The following SLC25A15 variants were observed in gnomAD, a reference collection of about 807,000 sequenced individuals.
SLC25A15 encodes solute carrier family 25 member 15.
SLC25A15 carries 24 observed loss-of-function variants against 32.3 expected under a neutral mutation model. That is an observed-to-expected ratio of 0.74 (90% CI 0.54 to 1.04). The LOEUF is 1.04. SLC25A15 is among the 50% of genes least tolerant of loss of function. The pLI is 0.00. For synonymous variants in SLC25A15, 132 were observed against 142.1 expected, an observed-to-expected ratio of 0.93 and a Z score of 0.51; for missense variants, 317 against 374.5, an observed-to-expected ratio of 0.85 and a Z score of 1.27.
chr13:40,791,087 T>C (rs1881472848), intron 1 of SLC25A15, among the ~76,000 whole-genome samples: 1 of 151,900 alleles, frequency 6.6e-6, no homozygotes, highest in Admixed American at 6.6e-5. Context: ...CCCCCGTTTT[T>C]TTCTTTCCCA....
chr13:40,799,357 C>A (rs772068337), intron 3 of SLC25A15, 42 bp downstream of exon 3: 56 of 1,612,770 alleles, frequency 3.5e-5, no homozygotes, highest in African/African-American at 9.4e-5. Flanking sequence ...TTTAAAAAAA[C>A]CCCACAAAAC....
Position 40,799,137 on chromosome 13 carries a change from G to A in SLC25A15, c.136G>A (p.Gly46Ser). 1 of 1,614,142 alleles carries A rather than the reference G, an allele frequency of 6.2e-7. No homozygotes were observed. The highest frequency in any genetic ancestry group is 8.5e-7 in the Non-Finnish European group (1 of 1,180,018). Residue 46 changes from glycine (G) to serine (S), a missense_variant, in exon 3 of 7, where the codon GGC (glycine) becomes AGC (serine). Gly to Ser is a moderately conservative substitution (Grantham distance 56, BLOSUM62 0). Coordinates refer to ENST00000338625, the MANE Select transcript of SLC25A15 (RefSeq NM_014252.4). ...KMQTFPDLYR[G>S]LTDCCLKTYS... ...GCAGACGTTCCCTGACCTGTACCGG[G>A]GCCTCACCGACTGCTGCCTGAAGAC...
chr13:40,794,990 G>A (rs752138023), intron 2 of SLC25A15, among the ~76,000 whole-genome samples: 1 of 152,204 alleles, frequency 6.6e-6, no homozygotes, highest in Admixed American at 6.5e-5. Context: ...CACTGGGCAA[G>A]GGCACTTCTC....
intron 3 of SLC25A15, among the ~76,000 whole-genome samples, chr13:40,802,553 C>T (rs1163243527): frequency 1.3e-5 from 2 of 151,860 alleles, no homozygotes; most frequent in African/African-American, 4.8e-5. Flanking sequence ...CTTGAGTACC[C>T]CTGAATATGG....
At chr13:40,791,903 C>T (rs1399425586) in intron 1 of SLC25A15, among the ~76,000 whole-genome samples, 1 of 152,168 alleles carries the variant, frequency 6.6e-6, no homozygotes, top group African/African-American at 2.4e-5. Context: ...TTCTCCACGG[C>T]CAATGTTTCC....
chr13:40,797,926 G>A (rs558149619), intron 2 of SLC25A15, among the ~76,000 whole-genome samples: 1 of 152,290 alleles, frequency 6.6e-6, no homozygotes, highest in Admixed American at 6.5e-5. Flanking sequence ...CCCTACTACA[G>A]GGTGTGGGGA....
chr13:40,798,804 T>C (rs1881761230), intron 2 of SLC25A15: 1 of 984,112 alleles, frequency 1.0e-6, no homozygotes, highest in Non-Finnish European at 1.2e-6. Flanking sequence ...CACTGCACTG[T>C]TTGCCGCTGT....
At position 40,805,191 on chromosome 13, in the gene SLC25A15, G is replaced by A. The variant is rs553432772; in HGVS notation, c.388G>A (p.Val130Met). 312 of 1,614,192 alleles carry A rather than the reference G, an allele frequency of 1.9e-4. No individual in the cohort carries two copies. In the South Asian group the frequency reaches 2.9e-3, roughly 15 times the overall value. The change falls in exon 4 of 7, where the codon GTG becomes ATG. Residue 130 changes from valine to methionine, a missense_variant. Val to Met is a conservative substitution (Grantham distance 21). Transcript: ENST00000338625. ...AALVLCPTEL[V>M]KCRLQTMYEM... Reference sequence around the variant, plus strand: ...ACTGGTGCTCTGCCCCACGGAGCTCGTGAAGTGCCGGCTGCAGACCATGTA... The same window carrying A: ...ACTGGTGCTCTGCCCCACGGAGCTCATGAAGTGCCGGCTGCAGACCATGTA...
In SLC25A15 at chr13:40,798,060, A is replaced by T. The variant is rs183039437; in HGVS notation, c.56-997A>T. Among the ~76,000 whole-genome samples the T allele has an allele frequency of 2.1e-3, 322 of 152,252 alleles. 1 individual carries two copies. Among genetic ancestry groups the T allele is most frequent in the Non-Finnish European group, 3.6e-3 (244 of 67,998 alleles). ...TTTGGGAGGCCAAGGCAGGAGGATCATTTGAGGCCAGGAGTTAGAGACCAC... is the reference window on the plus strand; with the variant it reads ...TTTGGGAGGCCAAGGCAGGAGGATCTTTTGAGGCCAGGAGTTAGAGACCAC... On this transcript the variant is annotated intron_variant, in intron 2 of 6. Transcript: ENST00000338625.
Position 40,811,014 on chromosome 13 carries a change from G to GGTTGTACTCC in SLC25A15, c.*1347_*1348insGTTGTACTCC, listed in dbSNP as rs1193368768. Reference sequence around the variant, plus strand: ...TGACAGTGGGTGAACCTCTCTCAGAGAGAACTAGAAAGAACTCAGTGCTTG... The same window carrying GGTTGTACTCC: ...TGACAGTGGGTGAACCTCTCTCAGAGGTTGTACTCCAGAACTAGAAAGAACTCAGTGCTTG... On this transcript the variant is annotated 3_prime_UTR_variant, in exon 7 of 7. Transcript: ENST00000338625. 6.6e-6 allele frequency among the ~76,000 whole-genome samples: 1 copy of GGTTGTACTCC among 152,214 alleles called. No individual in the cohort carries two copies. Among genetic ancestry groups the GGTTGTACTCC allele is most frequent in the Non-Finnish European group, 1.5e-5 (1 of 68,048 alleles).
At position 40,811,206 on chromosome 13, in the gene SLC25A15, G is replaced by C. The variant is rs1258895317; in HGVS notation, c.*1539G>C. ...GCAATGGAACATAAGAAAAGCAATT[G>C]TAGGCCAGGCGCAGTGGCTCACGCC... On this transcript the variant is annotated 3_prime_UTR_variant, in exon 7 of 7. Transcript: ENST00000338625. Among the ~76,000 whole-genome samples the C allele has an allele frequency of 6.6e-6, 1 of 152,098 alleles. No homozygotes were observed. The highest frequency in any genetic ancestry group is 2.4e-5 in the African/African-American group (1 of 41,432).
rs934739633 is a variant in SLC25A15 at position 40,810,661 on chromosome 13, C to T, written c.*994C>T. 17 of 480,236 alleles carry T rather than the reference C, an allele frequency of 3.5e-5. 1 individual carries two copies. Among genetic ancestry groups the T allele is most frequent in the Admixed American group, 1.2e-4 (5 of 42,678 alleles). The allele number at this position is 480,236 out of a possible 1,614,324, so 29.7% of individuals were successfully genotyped here. A position where few individuals can be genotyped will look rare whatever the true frequency, so the allele number is the denominator to read the frequency against. On this transcript the variant is annotated 3_prime_UTR_variant, in exon 7 of 7. Coordinates refer to ENST00000338625, the MANE Select transcript of SLC25A15 (RefSeq NM_014252.4). ...ATTTTCTAGGTGGGATCATATTCCA[C>T]GCTGACTATATTGCTAGGGGTGGCC...
At chr13:40,790,252 T>C (rs73461251) in intron 1 of SLC25A15, among the ~76,000 whole-genome samples, 9 of 152,256 alleles carry the variant, frequency 5.9e-5, no homozygotes, top group Admixed American at 5.9e-4. Flanking sequence ...TGCAGCCTCA[T>C]CTACTGACTC....
intron 4 of SLC25A15, among the ~76,000 whole-genome samples, chr13:40,805,985 T>C (rs1324998753): frequency 6.6e-6 from 1 of 152,198 alleles, no homozygotes; most frequent in Non-Finnish European, 1.5e-5. Flanking sequence ...TGTGGTTAAC[T>C]CAAAGCCTAT....
At chr13:40,799,028 A>C in intron 2 of SLC25A15, 29 bp from the exon 3 acceptor site, 1 of 1,614,184 alleles carries the variant, frequency 6.2e-7, no homozygotes, top group South Asian at 1.1e-5. Flanking sequence ...GTAGCCTCGT[A>C]CTAGAGCAGT....
chr13:40,794,451 G>C lies in SLC25A15; in HGVS notation c.55+1170G>C, dbSNP rs144491310. Among the ~76,000 whole-genome samples the C allele has an allele frequency of 3.4e-3, 517 of 152,296 alleles. 5 individuals carry two copies. Among genetic ancestry groups the C allele is most frequent in the African/African-American group, 0.012 (492 of 41,552 alleles). On this transcript the variant is annotated intron_variant, in intron 2 of 6. Coordinates refer to ENST00000338625, the MANE Select transcript of SLC25A15 (RefSeq NM_014252.4). ...GGAATGTCAGCTAACCTGAGCCTAG[G>C]GGCCTGAGCCCAAGAGCCTGAGGCT...
intron 4 of SLC25A15, 77 bp downstream of exon 4, chr13:40,805,332 T>A: frequency 1.3e-6 from 2 of 1,553,764 alleles, no homozygotes; most frequent in Non-Finnish European, 1.8e-6. Context: ...TACATTGTAC[T>A]AAAGTGGCAG....
intron 1 of SLC25A15, among the ~76,000 whole-genome samples, chr13:40,790,567 T>A (rs1881443546): frequency 6.6e-6 from 1 of 152,186 alleles, no homozygotes; most frequent in Admixed American, 6.5e-5. Flanking sequence ...ATAATTCTAA[T>A]GGCTATTTGT....
In SLC25A15 at chr13:40,811,514, T is replaced by C. The variant is rs750125078; in HGVS notation, c.*1847T>C. 6.6e-6 allele frequency among the ~76,000 whole-genome samples: 1 copy of C among 151,524 alleles called. No individual in the cohort carries two copies. Among genetic ancestry groups the C allele is most frequent in the Admixed American group, 6.6e-5 (1 of 15,212 alleles). On this transcript the variant is annotated 3_prime_UTR_variant, in exon 7 of 7. Transcript: ENST00000338625. ...AAAAAAAAAAAGAAAAGAAAAGCAA[T>C]TGTACTTCACTATGCCATATGTATG...
Sources: allele counts gnomAD v4.1 joint callset (sites outside exome capture counted in the v4.1 genomes callset), GRCh38; gene constraint gnomAD v4.1.1; transcripts MANE v1.5; gene names NCBI Gene and HGNC (gene_info 2026-07-23, HGNC 2026-07-21).